FRMD4A: variants seen among roughly 807,000 people sequenced by gnomAD.
The protein encoded by FRMD4A is FERM domain-containing protein 4A.
FRMD4A carries 29 observed loss-of-function variants against 129.1 expected under a neutral mutation model. The observed-to-expected ratio is 0.22, with a 90% confidence interval of 0.17 to 0.31. FRMD4A has a LOEUF of 0.31. Among genes scored for constraint, FRMD4A ranks in the 10% least tolerant of loss-of-function variants. The pLI is 1.00. For missense variants in FRMD4A, 1,272 were observed against 1,375.8 expected, an observed-to-expected ratio of 0.92 and a Z score of 1.19; for synonymous variants, 634 against 571.6, an observed-to-expected ratio of 1.11 and a Z score of -1.56.
In FRMD4A at chr10:14,161,156, G is replaced by C. The variant is rs144732286; in HGVS notation, c.45+168902C>G. ...GTTTTAGCAGAGACAGGGTTTCACT[G>C]TGTTGGCCAGGCTGGTCTTGAACTC... On this transcript the variant is annotated intron_variant, in intron 2 of 24. Coordinates refer to ENST00000357447, the MANE Select transcript of FRMD4A (RefSeq NM_018027.5). 1.1e-3 allele frequency among the ~76,000 whole-genome samples: 167 copies of C among 152,206 alleles called. 3 individuals carry two copies. In the East Asian group the frequency reaches 0.018, roughly 16 times the overall value.
intron 2 of FRMD4A, chr10:13,971,954 C>T (rs4750440): frequency 5.8e-6 from 7 of 1,208,414 alleles, no homozygotes; most frequent in Admixed American, 6.0e-5. Flanking sequence ...CTCTCCTCCC[C>T]CTACCTACCC....
chr10:13,878,651 G>T (rs1044690393), intron 2 of FRMD4A, among the ~76,000 whole-genome samples: 1 of 152,110 alleles, frequency 6.6e-6, no homozygotes, highest in African/African-American at 2.4e-5. Context: ...TACTCGGGAG[G>T]CTGAGGCAGA....
intron 2 of FRMD4A, among the ~76,000 whole-genome samples, chr10:14,141,130 G>A (rs1005828659): frequency 3.9e-5 from 6 of 152,076 alleles, no homozygotes; most frequent in Admixed American, 6.5e-5. Flanking sequence ...GTTCATCAGC[G>A]TCAGAGGCAG....
At chr10:14,187,185 ACT>A (rs1842175728) in intron 2 of FRMD4A, among the ~76,000 whole-genome samples, 1 of 151,554 alleles carries the variant, frequency 6.6e-6, no homozygotes, top group Admixed American at 6.6e-5. Context: ...GGAGGGCGAC[ACT>A]CTTCCTTATA....
At chr10:13,708,005 T>C (rs2087642848) in intron 12 of FRMD4A, 1 of 462,398 alleles carries the variant, frequency 2.2e-6, no homozygotes, top group African/African-American at 2.1e-5. Context: ...CTCTGGGAAA[T>C]ATCACAGGAG....
At chr10:13,673,392 C>T (rs1298212168) in intron 16 of FRMD4A, among the ~76,000 whole-genome samples, 1 of 152,152 alleles carries the variant, frequency 6.6e-6, no homozygotes, top group African/African-American at 2.4e-5. Flanking sequence ...CTTCCCGCTG[C>T]AAGGCCTTAG....
In FRMD4A at chr10:13,886,730, C is replaced by T. The variant is rs191321192; in HGVS notation, c.46-27818G>A. On this transcript the variant is annotated intron_variant, in intron 2 of 24. Transcript: ENST00000357447. ...TGGAGCAGCTGGGAACACAGGCACACGCCACCATGCTTGGCTGGTTTTTCA... is the reference window on the plus strand; with the variant it reads ...TGGAGCAGCTGGGAACACAGGCACATGCCACCATGCTTGGCTGGTTTTTCA... 1.5e-3 allele frequency among the ~76,000 whole-genome samples: 221 copies of T among 152,268 alleles called. 1 individual carries two copies. The highest frequency in any genetic ancestry group is 5.2e-3 in the African/African-American group (215 of 41,536).
Position 13,684,682 on chromosome 10 carries a change from G to A in FRMD4A, c.1117+9216C>T, listed in dbSNP as rs1215432418. 16 of 985,246 alleles carry A rather than the reference G, an allele frequency of 1.6e-5. No individual in the cohort carries two copies. In the East Asian group the frequency reaches 6.8e-4, roughly 42 times the overall value. The allele number at this position is 985,246 out of a possible 1,614,324, so 61.0% of individuals were successfully genotyped here. ...AGGAGGACGTTGTCAGGAGCCACGC[G>A]TGGCTCATCTGTTTTTGACACAGAG... is the stretch of plus-strand genomic sequence containing the variant. On this transcript the variant is annotated intron_variant, in intron 15 of 24. Transcript: ENST00000357447.
chr10:14,107,822 C>A (rs1260171231), intron 2 of FRMD4A, among the ~76,000 whole-genome samples: 1 of 152,104 alleles, frequency 6.6e-6, no homozygotes, highest in Admixed American at 6.6e-5. Flanking sequence ...TGCGGCTGGA[C>A]CACAACTTAT....
chr10:13,814,524 T>G (rs1302122165), intron 3 of FRMD4A, among the ~76,000 whole-genome samples: 1 of 125,798 alleles, frequency 7.9e-6, no homozygotes, highest in African/African-American at 3.1e-5. Context: ...GAGGCTGCAG[T>G]GAGCTATGAT....
At chr10:14,087,516 G>T (rs538570043) in intron 2 of FRMD4A, 4 of 151,948 alleles carry the variant, frequency 2.6e-5, no homozygotes, top group Non-Finnish European at 4.4e-5. Flanking sequence ...TTTCTCAAGC[G>T]CTTCCACACT....
chr10:13,778,445 C>A (rs17153975), intron 6 of FRMD4A, among the ~76,000 whole-genome samples: 2,150 of 152,240 alleles, frequency 0.014, 55 homozygotes, highest in African/African-American at 0.049. Context: ...GGCTCAGCAA[C>A]TGTCCCAAAA....
At chr10:13,994,513 G>A (rs1055623329) in intron 2 of FRMD4A, among the ~76,000 whole-genome samples, 1 of 152,030 alleles carries the variant, frequency 6.6e-6, no homozygotes, top group Non-Finnish European at 1.5e-5. Context: ...GTAGAGACAC[G>A]GTTTCACCAT....
At chr10:13,935,531 T>C (rs866033825) in intron 2 of FRMD4A, among the ~76,000 whole-genome samples, 36 of 150,788 alleles carry the variant, frequency 2.4e-4, no homozygotes, top group Admixed American at 4.0e-4. Flanking sequence ...TCTGCCAATC[T>C]GCCAATATGT....
chr10:13,950,672 T>A (rs2095364787), intron 2 of FRMD4A, among the ~76,000 whole-genome samples: 1 of 152,140 alleles, frequency 6.6e-6, no homozygotes, highest in African/African-American at 2.4e-5. Flanking sequence ...CTGTCTTCCC[T>A]CTCTTCCCAC....
intron 13 of FRMD4A, among the ~76,000 whole-genome samples, chr10:13,704,063 C>G (rs546778373): frequency 4.6e-5 from 7 of 152,236 alleles, no homozygotes; most frequent in African/African-American, 1.7e-4. Flanking sequence ...CCCCACGTAC[C>G]CTGCCTTGAT....
intron 4 of FRMD4A, among the ~76,000 whole-genome samples, chr10:13,805,849 T>A (rs1354726466): frequency 7.9e-6 from 1 of 126,824 alleles, no homozygotes; most frequent in African/African-American, 3.2e-5. Context: ...CCACCATGCC[T>A]GGCTAATTTT....
chr10:13,711,721 G>A (rs2088040006), intron 12 of FRMD4A, among the ~76,000 whole-genome samples: 1 of 152,214 alleles, frequency 6.6e-6, no homozygotes, highest in Admixed American at 6.5e-5. Flanking sequence ...TCTTTAAAAA[G>A]CCCTGCAAAC....
chr10:14,236,672 C>T (rs1455439741), intron 2 of FRMD4A, among the ~76,000 whole-genome samples: 3 of 152,196 alleles, frequency 2.0e-5, no homozygotes, highest in Non-Finnish European at 4.4e-5. Flanking sequence ...ACATTTGGCC[C>T]TGCTCGGGTG....
Sources: gnomAD v4.1 joint callset for allele counts (sites outside exome capture counted in the v4.1 genomes callset) on GRCh38, gnomAD v4.1.1 for gene constraint, MANE v1.5 for transcripts, NCBI Gene and HGNC (gene_info 2026-07-23, HGNC 2026-07-21) for gene names.